The following NR3C1 variants were observed in gnomAD, a reference collection of about 807,000 sequenced individuals.
NR3C1 encodes the protein nuclear receptor subfamily 3 group C member 1.
In NR3C1, 14 loss-of-function variants were observed where a neutral mutation model predicts 74.0. The observed-to-expected ratio is 0.19, with a 90% CI of 0.12 to 0.30. The LOEUF is 0.30. NR3C1 is among the 10% of genes least tolerant of loss of function. NR3C1 has a pLI of 1.00. For synonymous variants in NR3C1, 308 were observed against 332.5 expected (o/e 0.93, Z 0.80); for missense variants, 695 against 909.8 (o/e 0.76, Z 3.04).
At chr5:143,371,978 C>G (rs1834312323) in intron 2 of NR3C1, among the ~76,000 whole-genome samples, 1 of 152,124 alleles carries the variant, frequency 6.6e-6, no homozygotes. Flanking sequence ...CAGGAGACCC[C>G]CAATGGATGC....
intron 2 of NR3C1, among the ~76,000 whole-genome samples, chr5:143,377,981 G>A (rs1460262013): frequency 6.6e-6 from 1 of 152,166 alleles, no homozygotes; most frequent in Non-Finnish European, 1.5e-5. Flanking sequence ...CAGGTGCAGT[G>A]GCTCACACTT....
intron 2 of NR3C1, among the ~76,000 whole-genome samples, chr5:143,384,415 A>G (rs528059623): frequency 6.8e-4 from 103 of 152,280 alleles, no homozygotes; most frequent in Non-Finnish European, 1.2e-3. Context: ...CATTAACTCA[A>G]AAGTCCAAGT....
intron 2 of NR3C1, among the ~76,000 whole-genome samples, chr5:143,330,208 T>G (rs937347978): frequency 2.6e-5 from 4 of 152,214 alleles, no homozygotes; most frequent in Admixed American, 1.3e-4. Flanking sequence ...GAAGAAACAT[T>G]TAAAGCAAGT....
At chr5:143,348,751 A>G (rs1829732239) in intron 2 of NR3C1, among the ~76,000 whole-genome samples, 1 of 152,194 alleles carries the variant, frequency 6.6e-6, no homozygotes, top group African/African-American at 2.4e-5. Context: ...TAGTGCTGTT[A>G]GCCATGAGTT....
At chr5:143,282,468 G>A (rs929915599) in intron 8 of NR3C1, 100 bp downstream of exon 8, 1 of 1,365,930 alleles carries the variant, frequency 7.3e-7, no homozygotes, top group Non-Finnish European at 1.0e-6. Context: ...ACAAACTGGG[G>A]GCGGGGGTGG....
chr5:143,419,301 C>T (rs1053840031), intron 1 of NR3C1, among the ~76,000 whole-genome samples: 5 of 152,164 alleles, frequency 3.3e-5, no homozygotes, highest in South Asian at 2.1e-4. Context: ...TCCAAGGACA[C>T]GGGCATATTC....
chr5:143,400,316 C>T lies in NR3C1; in HGVS notation c.524G>A (p.Gly175Asp). The change falls in exon 2 of 9, where the codon GGC becomes GAC. Residue 175 changes from glycine to aspartate, a missense_variant. This residue lies in a region of NR3C1 where 497 missense variants were observed against 489.5 expected (regional missense o/e 1.02). Coordinates refer to ENST00000394464, the MANE Select transcript of NR3C1 (RefSeq NM_000176.3). ...CAATTTCACATTGCCACCGTTGGTG[C>T]CAGTCTGGCCCTTCAAATGTTGCTG... ...SEQQHLKGQT[G>D]TNGGNVKLYT... 6.2e-7 allele frequency: 1 copy of T among 1,611,316 alleles called. No individual in the cohort carries two copies.
chr5:143,309,858 T>C (rs61753488), intron 4 of NR3C1, among the ~76,000 whole-genome samples: 115 of 152,320 alleles, frequency 7.5e-4, no homozygotes, highest in African/African-American at 2.8e-3. Flanking sequence ...TTTCTTTGTA[T>C]ATAGTCTGGC....
intron 2 of NR3C1, among the ~76,000 whole-genome samples, chr5:143,363,858 A>C (rs1434805601): frequency 6.6e-6 from 1 of 152,182 alleles, no homozygotes; most frequent in African/African-American, 2.4e-5. Context: ...TGAGGAAGTG[A>C]AAGAAAAAAG....
intron 7 of NR3C1, among the ~76,000 whole-genome samples, chr5:143,293,501 G>A (rs184757772): frequency 5.3e-5 from 8 of 151,978 alleles, no homozygotes; most frequent in Admixed American, 3.9e-4. Context: ...ACCACTACCT[G>A]TTCCCCAAAA....
At chr5:143,431,624 G>C (rs1600693325) in intron 1 of NR3C1, among the ~76,000 whole-genome samples, 4 of 151,874 alleles carry the variant, frequency 2.6e-5, no homozygotes, top group Admixed American at 1.3e-4. Context: ...GTAACAAACC[G>C]GCACGTTCTG....
intron 2 of NR3C1, chr5:143,389,888 A>G (rs756595504): frequency 3.9e-5 from 37 of 945,004 alleles, no homozygotes; most frequent in Non-Finnish European, 4.7e-5. Context: ...CTGCCATGCT[A>G]GGATGGCTCT....
At chr5:143,308,967 A>C (rs776557673) in intron 4 of NR3C1, among the ~76,000 whole-genome samples, 1 of 152,188 alleles carries the variant, frequency 6.6e-6, no homozygotes, top group East Asian at 1.9e-4. Context: ...CAGAATTCCA[A>C]ACTTTTTTCA....
intron 2 of NR3C1, among the ~76,000 whole-genome samples, chr5:143,382,580 G>C (rs1176213177): frequency 6.6e-6 from 1 of 152,216 alleles, no homozygotes. Flanking sequence ...CATTTTAAAA[G>C]TGAGGAAACA....
At chr5:143,331,296 G>A (rs910353216) in intron 2 of NR3C1, among the ~76,000 whole-genome samples, 1 of 152,198 alleles carries the variant, frequency 6.6e-6, no homozygotes, top group African/African-American at 2.4e-5. Context: ...ATCCTGGTGA[G>A]GTTGCAGAGA....
At chr5:143,324,635 A>G (rs1328704227) in intron 2 of NR3C1, among the ~76,000 whole-genome samples, 1 of 152,222 alleles carries the variant, frequency 6.6e-6, no homozygotes, top group Non-Finnish European at 1.5e-5. Context: ...TTATGCAAAT[A>G]TCTGCAGCCA....
At chr5:143,369,753 T>C (rs1371947995) in intron 2 of NR3C1, among the ~76,000 whole-genome samples, 1 of 152,166 alleles carries the variant, frequency 6.6e-6, no homozygotes, top group Admixed American at 6.5e-5. Context: ...ATCAAAAATG[T>C]CAATAGTCCA....
intron 2 of NR3C1, among the ~76,000 whole-genome samples, chr5:143,339,754 C>T (rs1330661370): frequency 6.6e-6 from 1 of 152,120 alleles, no homozygotes; most frequent in East Asian, 1.9e-4. Context: ...GGATTCCAGA[C>T]ACAGCTGAGA....
intron 2 of NR3C1, among the ~76,000 whole-genome samples, chr5:143,365,129 A>G (rs1832961778): frequency 6.6e-6 from 1 of 152,256 alleles, no homozygotes; most frequent in Admixed American, 6.5e-5. Context: ...AATACAAAAG[A>G]AAGAAGGTAG....
Sources: allele counts gnomAD v4.1 joint callset (sites outside exome capture counted in the v4.1 genomes callset), GRCh38; gene constraint gnomAD v4.1.1; regional missense constraint gnomAD v4.1.1; transcripts MANE v1.5; gene names NCBI Gene and HGNC (gene_info 2026-07-23, HGNC 2026-07-21).